SPTBN4: variants seen among roughly 807,000 people sequenced by gnomAD.
The protein encoded by SPTBN4 is spectrin beta chain, non-erythrocytic 4.
Under a neutral mutation model 277.8 loss-of-function variants are expected in SPTBN4, and 96 were observed. The ratio of observed to expected loss-of-function variants is 0.35; its 90% CI spans 0.29 to 0.41. SPTBN4 has a LOEUF of 0.41. Ranked by LOEUF, SPTBN4 falls within the 10% of genes least tolerant of loss-of-function variation. SPTBN4 has a pLI of 1.00. For missense variants in SPTBN4, 3,006 were observed against 3,595.7 expected, an observed-to-expected ratio of 0.84 and a Z score of 4.19; for synonymous variants, 1,481 against 1,580.3, an observed-to-expected ratio of 0.94 and a Z score of 1.49.
At chr19:40,523,288 G>C (rs943016449) in intron 16 of SPTBN4, 149 bp from the exon 17 acceptor site, 13 of 722,306 alleles carry the variant, frequency 1.8e-5, no homozygotes, top group Admixed American at 2.7e-5. Context: ...AGAAGCACCA[G>C]CATGGGCAAC....
At chr19:40,545,775 C>T (rs2080852176) in intron 20 of SPTBN4, among the ~76,000 whole-genome samples, 1 of 151,824 alleles carries the variant, frequency 6.6e-6, no homozygotes. Context: ...GGCGTGGTGG[C>T]TCACGCCTGT....
In SPTBN4 at chr19:40,502,211, C is replaced by T. The variant is rs752800778; in HGVS notation, c.981C>T (p.Arg327=). Residue 327 remains arginine (R), a synonymous_variant, in exon 9 of 36, where the codon CGC becomes CGT. Transcript: ENST00000598249. This position sits in a 1 kb window ranked among gnomAD's most constrained non-coding sequence, Gnocchi z 4.9. ...LAAELLAWIH[R]TVGLISNQKF... ...CTGAGCTGCTGGCCTGGATCCACCG[C>T]ACCGTGGGCCTCATCAGCAATCAGA... 2 of 1,613,962 alleles carry T rather than the reference C, an allele frequency of 1.2e-6. No homozygotes were observed. The highest frequency in any genetic ancestry group is 1.3e-5 in the African/African-American group (1 of 74,920).
At position 40,549,265 on chromosome 19, in the gene SPTBN4, A is replaced by G. The variant is rs1267681345; in HGVS notation, c.4436A>G (p.Glu1479Gly). 1 of 1,545,940 alleles carries G rather than the reference A, an allele frequency of 6.5e-7. No individual in the cohort carries two copies. Among genetic ancestry groups the G allele is most frequent in the Non-Finnish European group, 8.7e-7 (1 of 1,146,626 alleles). ...GCGCAGACGGCGGCGCTGCCGCTGG[A>G]GCCGGCGAGCAAGGAGCTGGTGGGT... ...LQAQTAALPL[E>G]PASKELVGER... The change falls in exon 21 of 36, where the codon GAG becomes GGG. Residue 1479 changes from glutamate (E) to glycine (G), a missense_variant. This residue lies in a region of SPTBN4 where 1,759 missense variants were observed against 2,061.5 expected (regional missense o/e 0.85). Transcript: ENST00000598249.
At chr19:40,498,305 CAG>C (rs1432942965) in intron 7 of SPTBN4, among the ~76,000 whole-genome samples, 2 of 152,142 alleles carry the variant, frequency 1.3e-5, no homozygotes, top group Non-Finnish European at 2.9e-5. Flanking sequence ...GGAACCTTAT[CAG>C]AGCTGTTCAC....
intron 4 of SPTBN4, 130 bp from the exon 5 acceptor site, chr19:40,492,833 C>G: frequency 1.4e-6 from 1 of 695,098 alleles, no homozygotes; most frequent in Non-Finnish European, 2.5e-6. Context: ...GGACCCCCAC[C>G]CCCAGCCAGA....
At chr19:40,551,570 G>T (rs1183675424) in intron 22 of SPTBN4, among the ~76,000 whole-genome samples, 1 of 152,194 alleles carries the variant, frequency 6.6e-6, no homozygotes, top group Non-Finnish European at 1.5e-5. Context: ...TTCCTCTGGG[G>T]CTCAGTTTCC....
chr19:40,572,462 T>C (rs2081164230), intron 35 of SPTBN4, 82 bp downstream of exon 35: 2 of 1,535,994 alleles, frequency 1.3e-6, no homozygotes, highest in East Asian at 4.5e-5. Context: ...GTGATGGGGC[T>C]GTGAGAAGGG....
chr19:40,524,231 G>A (rs2080563012), intron 17 of SPTBN4, among the ~76,000 whole-genome samples: 3 of 152,066 alleles, frequency 2.0e-5, no homozygotes, highest in Admixed American at 2.0e-4. Flanking sequence ...TAGGCTGGGT[G>A]CAGTGACTCA....
intron 13 of SPTBN4, among the ~76,000 whole-genome samples, chr19:40,508,451 C>T (rs563863128): frequency 3.3e-5 from 5 of 152,144 alleles, no homozygotes; most frequent in African/African-American, 1.2e-4. Context: ...CTTTGAGAGG[C>T]CAAGGTAGGT....
chr19:40,534,283 G>A lies in SPTBN4; in HGVS notation c.4299G>A (p.Leu1433=), dbSNP rs370800219. 3.5e-5 allele frequency: 56 copies of A among 1,613,954 alleles called. No homozygotes were observed. Among genetic ancestry groups the A allele is most frequent in the African/African-American group, 3.3e-4 (25 of 74,932 alleles). The part of the protein sequence containing the change: ...DKKLLHMESQ[L]QDVDPGGDLA... ...AGCTCCTTCACATGGAGAGCCAGCTGCAAGACGTGGACCCTGGAGGAGACC... is the reference window on the plus strand; with the variant it reads ...AGCTCCTTCACATGGAGAGCCAGCTACAAGACGTGGACCCTGGAGGAGACC... Residue 1433 remains leucine, a synonymous_variant, in exon 20 of 36, where the codon CTG becomes CTA. Transcript: ENST00000598249.
intron 6 of SPTBN4, among the ~76,000 whole-genome samples, chr19:40,497,142 C>T (rs768190225): frequency 1.3e-5 from 2 of 151,918 alleles, no homozygotes; most frequent in South Asian, 2.1e-4. Context: ...TGTACACACT[C>T]GTATTGTCAT....
At chr19:40,517,655 C>G (rs1045432282) in intron 15 of SPTBN4, among the ~76,000 whole-genome samples, 2 of 152,170 alleles carry the variant, frequency 1.3e-5, no homozygotes, top group African/African-American at 4.8e-5. Flanking sequence ...TTTAAAACCT[C>G]TGTAGCCAAG....
At chr19:40,526,448 AGGCGTGAGCCACCGCGCCGGCC>A (rs1286968663) in intron 17 of SPTBN4, among the ~76,000 whole-genome samples, 7 of 152,124 alleles carry the variant, frequency 4.6e-5, no homozygotes, top group African/African-American at 7.2e-5. Context: ...CTGGGATTAC[AGGCGTGAGCCACCGCGCCGGCC>A]GCTAGGTGCT....
chr19:40,519,030 A>G lies in SPTBN4; in HGVS notation c.2904-371A>G, dbSNP rs1599758296. ...GTTTCGTACCTTTGCAAATCTCTTT[A>G]AAGTCTGGTTTAAGAGATGGCAGCT... On this transcript the variant is annotated intron_variant, in intron 15 of 35. Transcript: ENST00000598249. This position sits in a 1 kb window ranked among gnomAD's most constrained non-coding sequence, Gnocchi z 5.7. Among the ~76,000 whole-genome samples, 1 of 152,206 alleles carries G rather than the reference A, an allele frequency of 6.6e-6. No individual in the cohort carries two copies. The highest frequency in any genetic ancestry group is 1.9e-4 in the East Asian group (1 of 5,198).
intron 20 of SPTBN4, chr19:40,534,956 G>A (rs1377257553): frequency 1.3e-5 from 2 of 152,810 alleles, no homozygotes; most frequent in Non-Finnish European, 2.9e-5. Context: ...AGCAGTTCAC[G>A]TGGAATGACC....
chr19:40,570,793 G>C, intron 33 of SPTBN4, 65 bp downstream of exon 33: 1 of 1,552,238 alleles, frequency 6.4e-7, no homozygotes, highest in South Asian at 1.2e-5. Flanking sequence ...GCGTGGAGCG[G>C]TGGGACTGAG....
chr19:40,472,804 G>A lies in SPTBN4; in HGVS notation c.169+14G>A. 5 of 1,543,144 alleles carry A rather than the reference G, an allele frequency of 3.2e-6. No homozygotes were observed. The highest frequency in any genetic ancestry group is 4.4e-6 in the Non-Finnish European group (5 of 1,139,282). ...AGGCCTTGGCAGGTACCTGGAGGAG[G>A]GCTGGGGTGGGATGAGGAGGAGGGG... On this transcript the variant is annotated intron_variant, in intron 2 of 35. Transcript: ENST00000598249.
intron 6 of SPTBN4, 77 bp downstream of exon 6, chr19:40,495,054 C>T: frequency 7.3e-7 from 1 of 1,373,780 alleles, no homozygotes; most frequent in South Asian, 1.2e-5. Context: ...TGTACATGTA[C>T]TTGTGTAGAT....
In SPTBN4 at chr19:40,565,528, TCTG is replaced by T; in HGVS notation, c.6027_6029del (p.Leu2010del). On this transcript the variant is annotated inframe_deletion, in exon 28 of 36. Transcript: ENST00000598249. ...CCACCTGCCAGGAGCTGGGGCGATC[TCTG>T]CTGCTCAACAAAAGTGCCATGGCTG... is the stretch of plus-strand genomic sequence containing the variant. 1 of 1,614,104 alleles carries T rather than the reference TCTG, an allele frequency of 6.2e-7. No homozygotes were observed. The highest frequency in any genetic ancestry group is 8.5e-7 in the Non-Finnish European group (1 of 1,179,986).
Sources: gnomAD v4.1 joint callset for allele counts (sites outside exome capture counted in the v4.1 genomes callset) on GRCh38, gnomAD v4.1.1 for gene constraint, gnomAD v4.1.1 regional missense constraint, Gnocchi (gnomAD v3.1) non-coding constraint, MANE v1.5 for transcripts, NCBI Gene and HGNC (gene_info 2026-07-23, HGNC 2026-07-21) for gene names.